Variants in SCTR observed in about 807,000 individuals in gnomAD.
SCTR encodes pancreatic secretin receptor.
In SCTR, 56 loss-of-function variants were observed where a neutral mutation model predicts 60.8. The observed-to-expected ratio is 0.92, with a 90% CI of 0.74 to 1.15. The LOEUF is 1.15. SCTR is among the 50% of genes most tolerant of loss of function. The pLI is 0.00. For missense variants in SCTR, 562 were observed against 550.4 expected (o/e 1.02, Z -0.21); for synonymous variants, 202 against 217.0 (o/e 0.93, Z 0.61).
At chr2:119,471,554 A>G (rs929117465) in intron 4 of SCTR, among the ~76,000 whole-genome samples, 37 of 152,292 alleles carry the variant, frequency 2.4e-4, no homozygotes, top group African/African-American at 7.5e-4. Context: ...CTACAGAGAG[A>G]GGGGTCTTCG....
At chr2:119,454,725 A>G (rs1227979929) in intron 7 of SCTR, among the ~76,000 whole-genome samples, 1 of 152,046 alleles carries the variant, frequency 6.6e-6, no homozygotes, top group East Asian at 1.9e-4. Flanking sequence ...ATGGTGGTGC[A>G]TGCCTGTAAT....
intron 2 of SCTR, among the ~76,000 whole-genome samples, chr2:119,493,113 T>A (rs770576548): frequency 1.3e-5 from 2 of 152,170 alleles, no homozygotes; most frequent in African/African-American, 2.4e-5. Context: ...CACCTTGGCC[T>A]CCCAAAGTGC....
At chr2:119,523,428 TTA>T (rs1000594572) in intron 1 of SCTR, among the ~76,000 whole-genome samples, 2 of 147,492 alleles carry the variant, frequency 1.4e-5, no homozygotes, top group African/African-American at 4.9e-5. Context: ...ATTATTATTA[TTA>T]TTATTATTAT....
Position 119,468,027 on chromosome 2 carries a change from AC to A in SCTR, c.406-2142del, listed in dbSNP as rs1406720339. 6.6e-5 allele frequency among the ~76,000 whole-genome samples: 10 copies of A among 152,284 alleles called. No individual in the cohort carries two copies. The Middle Eastern group carries it at 0.017, about 259-fold the overall frequency. On this transcript the variant is annotated intron_variant, in intron 4 of 12. Coordinates refer to ENST00000019103, the MANE Select transcript of SCTR (RefSeq NM_002980.3). ...AATATCAACACAAAAAATAAAGAAA[AC>A]AAAAAAACTGAATATCAGCCATTCC...
Position 119,473,482 on chromosome 2 carries a change from T to C in SCTR, c.376A>G (p.Asn126Asp). The C allele has an allele frequency of 6.2e-7, 1 of 1,613,816 alleles. No homozygotes were observed. Among genetic ancestry groups the C allele is most frequent in the Non-Finnish European group, 8.5e-7 (1 of 1,179,730 alleles). ...FPRPNLACGV[N>D]VNDSSNEKRH... is the part of the protein sequence containing the mutation. ...TTCTCGTTGGAAGAGTCGTTCACAT[T>C]AACGCCACAGGCCAGATTAGGCCTG... The change falls in exon 4 of 13, where the codon AAT (asparagine) becomes GAT (aspartate). Residue 126 changes from asparagine to aspartate, a missense_variant. Physicochemically the swap from Asn to Asp is conservative, Grantham distance 23. Coordinates refer to ENST00000019103, the MANE Select transcript of SCTR (RefSeq NM_002980.3).
chr2:119,473,295 G>A (rs1473158959), intron 4 of SCTR, among the ~76,000 whole-genome samples, 158 bp downstream of exon 4: 2 of 152,188 alleles, frequency 1.3e-5, no homozygotes, highest in Admixed American at 6.5e-5. Context: ...TGACACCTCT[G>A]TGAGTAGGAG....
intron 2 of SCTR, chr2:119,479,291 C>T (rs1375394306): frequency 2.0e-6 from 2 of 1,005,504 alleles, no homozygotes; most frequent in African/African-American, 1.7e-5. Context: ...CAATGGGTCT[C>T]CCTTCTAGCT....
At chr2:119,464,366 C>T (rs778295929) in intron 5 of SCTR, 111 bp from the exon 6 acceptor site, 10 of 1,025,072 alleles carry the variant, frequency 9.8e-6, no homozygotes, top group Admixed American at 2.0e-5. Context: ...GACTTCAGCT[C>T]TTTCCGGGTA....
chr2:119,464,538 G>C (rs778566085), intron 5 of SCTR, among the ~76,000 whole-genome samples: 1 of 151,960 alleles, frequency 6.6e-6, no homozygotes, highest in Non-Finnish European at 1.5e-5. Flanking sequence ...AAGATCACTT[G>C]AGGCCATGAG....
chr2:119,441,727 C>T, intron 11 of SCTR, 128 bp from the exon 12 acceptor site: 1 of 800,742 alleles, frequency 1.2e-6, no homozygotes, highest in South Asian at 1.5e-5. Context: ...ACCTCTCTTG[C>T]CTCACTGGGA....
chr2:119,511,119 T>C (rs905731999), intron 1 of SCTR, among the ~76,000 whole-genome samples: 1 of 151,718 alleles, frequency 6.6e-6, no homozygotes, highest in African/African-American at 2.4e-5. Context: ...AGGAGAATGG[T>C]GTGAACTTGG....
chr2:119,466,985 G>A (rs769792069), intron 4 of SCTR, among the ~76,000 whole-genome samples: 10 of 152,082 alleles, frequency 6.6e-5, no homozygotes, highest in Admixed American at 2.6e-4. Flanking sequence ...TATACATTGC[G>A]CGCCTATGCA....
chr2:119,451,233 C>T (rs1292179848), intron 9 of SCTR, among the ~76,000 whole-genome samples: 3 of 152,048 alleles, frequency 2.0e-5, no homozygotes, highest in South Asian at 4.1e-4. Flanking sequence ...TACTTCCAGC[C>T]AAGGGACTGC....
At chr2:119,485,516 A>G (rs929240180) in intron 2 of SCTR, among the ~76,000 whole-genome samples, 1 of 152,190 alleles carries the variant, frequency 6.6e-6, no homozygotes, top group Admixed American at 6.5e-5. Flanking sequence ...CTATTTATAA[A>G]TAAGCTCAGA....
At chr2:119,483,433 T>TC (rs1677721106) in intron 2 of SCTR, among the ~76,000 whole-genome samples, 1 of 152,290 alleles carries the variant, frequency 6.6e-6, no homozygotes, top group Admixed American at 6.5e-5. Context: ...CAGGCTGGCC[T>TC]TGGTGGCAGC....
At chr2:119,473,687 G>C (rs1284885756) in intron 3 of SCTR, 131 bp from the exon 4 acceptor site, 1 of 670,560 alleles carries the variant, frequency 1.5e-6, no homozygotes, top group Non-Finnish European at 2.7e-6. Context: ...AGCAGTTCCA[G>C]AACTTGCCCA....
intron 7 of SCTR, among the ~76,000 whole-genome samples, chr2:119,455,808 ATAATG>A (rs1185824884): frequency 2.0e-5 from 3 of 152,192 alleles, no homozygotes; most frequent in African/African-American, 7.2e-5. Context: ...AATTAAATAG[ATAATG>A]TAAGAACATT....
intron 2 of SCTR, chr2:119,484,734 A>G (rs1160562053): frequency 6.6e-6 from 1 of 152,014 alleles, no homozygotes; most frequent in Non-Finnish European, 1.5e-5. Context: ...AGTCACAGAG[A>G]AAGGCAGGAA....
rs762653686 is a variant in SCTR, at chr2:119,441,563, C to T, written c.1177G>A (p.Gly393Arg). Residue 393 changes from glycine to arginine, a missense_variant, in exon 12 of 13, where the codon GGG becomes AGG. Coordinates refer to ENST00000019103, the MANE Select transcript of SCTR (RefSeq NM_002980.3). The stretch of plus-strand genomic sequence containing the variant: ...GGTGACCCAAGACTACTCACCTCCC[C>T]ATTGAGGAAGCAGTAGAGGACGGCC... ...VVAVLYCFLN[G>R]EVQLEVQKKW... 23 of 1,612,772 alleles carry T rather than the reference C, an allele frequency of 1.4e-5. No homozygotes were observed. The highest frequency in any genetic ancestry group is 2.7e-5 in the African/African-American group (2 of 75,016).
Sources: gnomAD v4.1 joint callset for allele counts (sites outside exome capture counted in the v4.1 genomes callset) on GRCh38, gnomAD v4.1.1 for gene constraint, MANE v1.5 for transcripts, NCBI Gene and HGNC (gene_info 2026-07-23, HGNC 2026-07-21) for gene names.